Variants in TAFA5 observed in about 807,000 individuals in gnomAD.
TAFA5 encodes the protein chemokine-like protein TAFA-5.
A neutral mutation model predicts 15.3 loss-of-function variants in TAFA5; 6 were observed. That is an observed-to-expected ratio of 0.39 (90% CI 0.21 to 0.77). The LOEUF is 0.77. Ranked by LOEUF, TAFA5 falls within the 30% of genes least tolerant of loss-of-function variation. The pLI is 0.41. For synonymous variants in TAFA5, 103 were observed against 80.7 expected, an observed-to-expected ratio of 1.28 and a Z score of -1.48; for missense variants, 161 against 193.1, an observed-to-expected ratio of 0.83 and a Z score of 0.98.
intron 1 of TAFA5, among the ~76,000 whole-genome samples, chr22:48,645,676 C>T (rs1247483946): frequency 1.3e-5 from 2 of 152,054 alleles, no homozygotes; most frequent in African/African-American, 2.4e-5. Context: ...ATGCAGGGTG[C>T]TCCTGTGGGA....
chr22:48,577,645 A>G (rs1923865653), intron 1 of TAFA5, among the ~76,000 whole-genome samples: 1 of 152,164 alleles, frequency 6.6e-6, no homozygotes, highest in Non-Finnish European at 1.5e-5. Flanking sequence ...CTAATTAATG[A>G]GCCGCCGGAG....
At chr22:48,638,365 C>T (rs1328921847) in intron 1 of TAFA5, among the ~76,000 whole-genome samples, 1 of 86,568 alleles carries the variant, frequency 1.2e-5, no homozygotes, top group Non-Finnish European at 2.1e-5. Context: ...ACCCCCCCCC[C>T]GACACTAAGC....
At chr22:48,701,260 C>G (rs758853326) in intron 2 of TAFA5, among the ~76,000 whole-genome samples, 3 of 152,144 alleles carry the variant, frequency 2.0e-5, no homozygotes, top group Non-Finnish European at 4.4e-5. Context: ...CACCCTCCCT[C>G]CACCCTGCAT....
intron 3 of TAFA5, among the ~76,000 whole-genome samples, chr22:48,711,627 A>G (rs1929257038): frequency 6.6e-6 from 1 of 152,222 alleles, no homozygotes; most frequent in African/African-American, 2.4e-5. Flanking sequence ...AATTAGCGCT[A>G]CATGAGATTT....
chr22:48,559,613 T>C (rs1923156946), intron 1 of TAFA5, among the ~76,000 whole-genome samples: 1 of 151,648 alleles, frequency 6.6e-6, no homozygotes, highest in South Asian at 2.1e-4. Context: ...GAGAGGGCTT[T>C]TCTGGGGCAG....
chr22:48,523,997 C>T (rs542966867), intron 1 of TAFA5, among the ~76,000 whole-genome samples: 9 of 152,322 alleles, frequency 5.9e-5, no homozygotes, highest in African/African-American at 1.9e-4. Context: ...CAACCTGCCC[C>T]GGGGCCGGGC....
At chr22:48,522,518 C>T (rs1037895465) in intron 1 of TAFA5, among the ~76,000 whole-genome samples, 1 of 152,146 alleles carries the variant, frequency 6.6e-6, no homozygotes, top group South Asian at 2.1e-4. Context: ...CACTCGCGTC[C>T]TCCGCTTCTG....
At position 48,639,346 on chromosome 22, in the gene TAFA5, G is replaced by A. The variant is rs528994833; in HGVS notation, c.113-7251G>A. On this transcript the variant is annotated intron_variant, in intron 1 of 3. Coordinates refer to ENST00000402357, the MANE Select transcript of TAFA5 (RefSeq NM_001082967.3). ...CTGACCAAGCACAGAGCTGACATTC[G>A]TGAATGGTAAATGCCACCCTCTTGG... 6.6e-5 allele frequency among the ~76,000 whole-genome samples: 10 copies of A among 152,354 alleles called. No homozygotes were observed. The South Asian group carries it at 1.7e-3, about 25-fold the overall frequency.
At chr22:48,677,592 T>G (rs1340109014) in intron 2 of TAFA5, among the ~76,000 whole-genome samples, 1 of 152,176 alleles carries the variant, frequency 6.6e-6, no homozygotes, top group African/African-American at 2.4e-5. Context: ...GCCTCCCTCC[T>G]GGGCCCATCT....
chr22:48,611,377 A>G (rs760862572), intron 1 of TAFA5, among the ~76,000 whole-genome samples: 1 of 152,126 alleles, frequency 6.6e-6, no homozygotes, highest in African/African-American at 2.4e-5. Context: ...TTTGTTATTT[A>G]TTAGAACTCA....
intron 3 of TAFA5, among the ~76,000 whole-genome samples, chr22:48,720,786 T>C (rs528649859): frequency 2.0e-5 from 3 of 152,302 alleles, no homozygotes; most frequent in Non-Finnish European, 4.4e-5. Flanking sequence ...CGAGACGTAT[T>C]TCTGAGCAGC....
At chr22:48,641,710 C>T (rs1367982597) in intron 1 of TAFA5, among the ~76,000 whole-genome samples, 1 of 151,984 alleles carries the variant, frequency 6.6e-6, no homozygotes, top group Non-Finnish European at 1.5e-5. Flanking sequence ...ACTGGGAGCC[C>T]TCGGAGGCCC....
chr22:48,516,352 A>T (rs1921405748), intron 1 of TAFA5, among the ~76,000 whole-genome samples: 1 of 151,836 alleles, frequency 6.6e-6, no homozygotes, highest in Non-Finnish European at 1.5e-5. Context: ...TGTGCCATTT[A>T]ATTCCTGCGA....
At position 48,541,607 on chromosome 22, in the gene TAFA5, TGTGTCG is replaced by T. The variant is rs531465956; in HGVS notation, c.112+51908_112+51913del. On this transcript the variant is annotated intron_variant, in intron 1 of 3. Transcript: ENST00000402357. ...CACAGGGCAACAGGTGCCACCCCCC[TGTGTCG>T]GTGTTGGGAGGGTGGAGGGAGGCCA... 5.2e-3 allele frequency among the ~76,000 whole-genome samples: 789 copies of T among 152,186 alleles called. 12 individuals are homozygous for T. Among genetic ancestry groups the T allele is most frequent in the African/African-American group, 0.018 (740 of 41,552 alleles).
At chr22:48,527,831 C>T (rs961130870) in intron 1 of TAFA5, among the ~76,000 whole-genome samples, 3 of 152,198 alleles carry the variant, frequency 2.0e-5, no homozygotes, top group Non-Finnish European at 4.4e-5. Context: ...GCCTGAGATG[C>T]GCCGGGTGTT....
At position 48,743,451 on chromosome 22, in the gene TAFA5, C is replaced by T. The variant is rs139672191; in HGVS notation, c.391-6388C>T. ...AATCTGATACGACCCCATTCTAACT[C>T]GATCACATCTGCTAGAACCTGCTGC... On this transcript the variant is annotated intron_variant, in intron 3 of 3. Coordinates refer to ENST00000402357, the MANE Select transcript of TAFA5 (RefSeq NM_001082967.3). 4.8e-3 allele frequency among the ~76,000 whole-genome samples: 732 copies of T among 152,354 alleles called. 4 individuals are homozygous for T. The highest frequency in any genetic ancestry group is 0.016 in the African/African-American group (674 of 41,582).
At chr22:48,538,819 G>C (rs12167997) in intron 1 of TAFA5, 6,716 of 153,888 alleles carry the variant, frequency 0.044, 482 homozygotes, top group African/African-American at 0.15. Context: ...TAGGATCAAG[G>C]GTGCAGGGAG....
intron 1 of TAFA5, among the ~76,000 whole-genome samples, chr22:48,558,985 A>T (rs1923134895): frequency 6.6e-6 from 1 of 152,198 alleles, no homozygotes; most frequent in Non-Finnish European, 1.5e-5. Context: ...GCCCAGGGCG[A>T]TGGCATTTGG....
At chr22:48,542,274 TGGGG>T in intron 1 of TAFA5, among the ~76,000 whole-genome samples, 1 of 134,240 alleles carries the variant, frequency 7.4e-6, no homozygotes, top group South Asian at 2.7e-4. Flanking sequence ...GTGGTGTGTG[TGGGG>T]GGTGTGTGTG....
Sources: gnomAD v4.1 joint callset for allele counts (sites outside exome capture counted in the v4.1 genomes callset) on GRCh38, gnomAD v4.1.1 for gene constraint, MANE v1.5 for transcripts, NCBI Gene and HGNC (gene_info 2026-07-23, HGNC 2026-07-21) for gene names.